Variants in ZNRF2 observed in about 807,000 individuals in gnomAD.
ZNRF2 encodes zinc and ring finger 2.
ZNRF2 carries 16 observed loss-of-function variants against 20.4 expected under a neutral mutation model. The observed-to-expected ratio is 0.79, with a 90% CI of 0.53 to 1.19. ZNRF2 has a LOEUF of 1.19. Ranked by LOEUF, ZNRF2 falls within the 50% of genes most tolerant of loss-of-function variation. The pLI is 0.00. For synonymous variants in ZNRF2, 178 were observed against 144.9 expected, an observed-to-expected ratio of 1.23 and a Z score of -1.64; for missense variants, 363 against 332.4, an observed-to-expected ratio of 1.09 and a Z score of -0.72.
intron 2 of ZNRF2, among the ~76,000 whole-genome samples, chr7:30,333,497 G>A (rs1415802654): frequency 6.6e-6 from 1 of 151,498 alleles, no homozygotes; most frequent in Non-Finnish European, 1.5e-5. Flanking sequence ...AGCCTTCCAA[G>A]TAGCTGGGAT....
chr7:30,362,934 C>T (rs376214231), intron 4 of ZNRF2, among the ~76,000 whole-genome samples: 2 of 151,960 alleles, frequency 1.3e-5, no homozygotes, highest in Non-Finnish European at 1.5e-5. Context: ...CTGGCTAACA[C>T]GGTGAAACCC....
chr7:30,340,687 G>A (rs1379845376), intron 2 of ZNRF2, among the ~76,000 whole-genome samples: 1 of 152,062 alleles, frequency 6.6e-6, no homozygotes, highest in Admixed American at 6.5e-5. Flanking sequence ...AGGGATATTG[G>A]CCTGAAATTT....
At chr7:30,332,362 T>C (rs1583585711) in intron 2 of ZNRF2, among the ~76,000 whole-genome samples, 2 of 152,294 alleles carry the variant, frequency 1.3e-5, no homozygotes, top group African/African-American at 2.4e-5. Context: ...AGATGCCCTG[T>C]TACCTTTTAA....
At chr7:30,317,629 G>T (rs1799398036) in intron 1 of ZNRF2, among the ~76,000 whole-genome samples, 2 of 152,166 alleles carry the variant, frequency 1.3e-5, no homozygotes, top group Admixed American at 6.5e-5. Context: ...GGGAATGGTG[G>T]CATGGGGTTG....
intron 1 of ZNRF2, among the ~76,000 whole-genome samples, chr7:30,318,352 G>T (rs1052400389): frequency 6.6e-6 from 1 of 152,020 alleles, no homozygotes; most frequent in Non-Finnish European, 1.5e-5. Flanking sequence ...ATTTTTGCTG[G>T]TGTCTTTATT....
At chr7:30,337,603 T>G (rs1349025894) in intron 2 of ZNRF2, among the ~76,000 whole-genome samples, 3 of 152,130 alleles carry the variant, frequency 2.0e-5, no homozygotes, top group Non-Finnish European at 4.4e-5. Flanking sequence ...TTGTCTCTGT[T>G]TTCCAGGGCT....
chr7:30,300,346 A>C lies in ZNRF2; in HGVS notation c.469+14520A>C, dbSNP rs191839179. Among the ~76,000 whole-genome samples, 67 of 151,316 alleles carry C rather than the reference A, an allele frequency of 4.4e-4. No individual in the cohort carries two copies. In the East Asian group the frequency reaches 0.013, roughly 28 times the overall value. On this transcript the variant is annotated intron_variant, in intron 1 of 4. Transcript: ENST00000323037. Reference sequence around the variant, plus strand: ...GTATGTTTAGTAGAGACAGGGTTTCACCATGTTGGCCAGGATGGTCTTGGT... The same window carrying C: ...GTATGTTTAGTAGAGACAGGGTTTCCCCATGTTGGCCAGGATGGTCTTGGT...
intron 1 of ZNRF2, among the ~76,000 whole-genome samples, chr7:30,311,457 G>A (rs1308934599): frequency 2.6e-5 from 4 of 152,170 alleles, no homozygotes; most frequent in African/African-American, 9.7e-5. Flanking sequence ...AATGCAGAGT[G>A]AATTTCATGA....
At chr7:30,342,978 A>C (rs1163601765) in intron 2 of ZNRF2, among the ~76,000 whole-genome samples, 2 of 151,966 alleles carry the variant, frequency 1.3e-5, no homozygotes, top group South Asian at 4.2e-4. Context: ...TATATTTTCA[A>C]AATTTATTAC....
chr7:30,354,620 T>C (rs547811485), intron 2 of ZNRF2, among the ~76,000 whole-genome samples: 46 of 152,234 alleles, frequency 3.0e-4, no homozygotes, highest in Non-Finnish European at 5.9e-4. Context: ...TACTTAACTT[T>C]AGAAAATGTC....
At chr7:30,323,298 T>C (rs138949957) in intron 1 of ZNRF2, among the ~76,000 whole-genome samples, 1 of 152,320 alleles carries the variant, frequency 6.6e-6, no homozygotes, top group East Asian at 1.9e-4. Flanking sequence ...GTAGTCAGAT[T>C]ACAAAGCTTG....
rs771419176 is a variant in ZNRF2, at chr7:30,285,142, C to T, written c.-216C>T. On this transcript the variant is annotated 5_prime_UTR_variant, in exon 1 of 5. Coordinates refer to ENST00000323037, the MANE Select transcript of ZNRF2 (RefSeq NM_147128.4). ...TTCCTCTCCGCGTCTCCTCGTCTCC[C>T]GCGCCCGCGTCAGGCCGTCGGCCTC... 4.8e-6 allele frequency: 2 copies of T among 417,802 alleles called. No individual in the cohort carries two copies. Among genetic ancestry groups the T allele is most frequent in the South Asian group, 3.4e-5 (2 of 59,698 alleles). 25.9% of individuals were successfully genotyped at this position (417,802 alleles called of 1,614,324 possible). A position where few individuals can be genotyped will look rare whatever the true frequency, so the allele number is the denominator to read the frequency against.
chr7:30,319,413 A>G (rs534031387), intron 1 of ZNRF2, among the ~76,000 whole-genome samples: 67 of 152,320 alleles, frequency 4.4e-4, no homozygotes, highest in Admixed American at 8.5e-4. Context: ...TAGTAGTATC[A>G]GTGTTTACAG....
At chr7:30,315,304 A>AC (rs1356088770) in intron 1 of ZNRF2, among the ~76,000 whole-genome samples, 1 of 152,040 alleles carries the variant, frequency 6.6e-6, no homozygotes, top group Non-Finnish European at 1.5e-5. Context: ...CTCAAAATAG[A>AC]CCCCCTATGA....
chr7:30,360,935 G>T (rs1800117093), intron 3 of ZNRF2, among the ~76,000 whole-genome samples: 1 of 152,120 alleles, frequency 6.6e-6, no homozygotes, highest in Non-Finnish European at 1.5e-5. Flanking sequence ...TTCCTGCTAG[G>T]TCTGAGAGAA....
chr7:30,292,795 A>G (rs1004444566), intron 1 of ZNRF2, among the ~76,000 whole-genome samples: 5 of 152,174 alleles, frequency 3.3e-5, no homozygotes, highest in African/African-American at 1.2e-4. Flanking sequence ...TGGAGTGCAG[A>G]GGGCTGTAGA....
In ZNRF2 at chr7:30,354,004, A is replaced by G. The variant is rs183795265; in HGVS notation, c.566-1724A>G. On this transcript the variant is annotated intron_variant, in intron 2 of 4. Transcript: ENST00000323037. ...CCTTTTTCTTTTTGTTCTCACTGCT[A>G]TCAGTTAGATGCTTCACGTTAAACT... Among the ~76,000 whole-genome samples the G allele has an allele frequency of 3.2e-3, 482 of 152,116 alleles. 2 individuals are homozygous for G. Among genetic ancestry groups the G allele is most frequent in the African/African-American group, 0.011 (446 of 41,510 alleles).
chr7:30,311,749 A>G (rs78959795), intron 1 of ZNRF2, among the ~76,000 whole-genome samples: 162 of 152,320 alleles, frequency 1.1e-3, no homozygotes, highest in African/African-American at 3.6e-3. Context: ...GCGTTGTTTT[A>G]GAAAATACTG....
At chr7:30,295,050 A>AGAGAGAGAGAGAGAGTGTGTGT (rs1412764480) in intron 1 of ZNRF2, among the ~76,000 whole-genome samples, 1 of 38,238 alleles carries the variant, frequency 2.6e-5, no homozygotes, top group African/African-American at 1.3e-4. Context: ...AGAGAGAGAG[A>AGAGAGAGAGAGAGAGTGTGTGT]GTGTGTGTGT....
Sources: gnomAD v4.1 joint callset for allele counts (sites outside exome capture counted in the v4.1 genomes callset) on GRCh38, gnomAD v4.1.1 for gene constraint, MANE v1.5 for transcripts, NCBI Gene and HGNC (gene_info 2026-07-23, HGNC 2026-07-21) for gene names.